DRC8: variants seen among roughly 807,000 people sequenced by gnomAD.
DRC8 encodes dynein regulatory complex protein 8.
chr1:245,064,315 G>T, the DRC8 span, among the ~76,000 whole-genome samples: 1 of 152,188 alleles, frequency 6.6e-6, no homozygotes, highest in Non-Finnish European at 1.5e-5. Flanking sequence ...GTAAAGATAG[G>T]TCAGTGATAA....
the DRC8 span, among the ~76,000 whole-genome samples, chr1:245,001,409 C>T: frequency 6.6e-6 from 1 of 152,142 alleles, no homozygotes; most frequent in Non-Finnish European, 1.5e-5. Context: ...CCCTGAGGAC[C>T]TTTGTAAAAA....
the DRC8 span, among the ~76,000 whole-genome samples, chr1:245,005,968 C>T: frequency 1.3e-5 from 2 of 152,068 alleles, no homozygotes; most frequent in Non-Finnish European, 2.9e-5. Context: ...CACAAAGGCA[C>T]TGGGAAAAAG....
chr1:245,093,697 CA>C, the DRC8 span, among the ~76,000 whole-genome samples: 3,204 of 68,364 alleles, frequency 0.047, 75 homozygotes, highest in African/African-American at 0.12. Context: ...CTCCATCTCA[CA>C]AAAAAAAAAA....
the DRC8 span, among the ~76,000 whole-genome samples, chr1:245,071,080 G>A: frequency 6.6e-6 from 1 of 152,186 alleles, no homozygotes; most frequent in African/African-American, 2.4e-5. Context: ...AAGCTGTTAG[G>A]TATGCTGTTT....
At chr1:245,089,505 C>G in the DRC8 span, among the ~76,000 whole-genome samples, 2 of 151,752 alleles carry the variant, frequency 1.3e-5, no homozygotes, top group African/African-American at 4.8e-5. This position sits in a 1 kb window ranked among gnomAD's most constrained non-coding sequence, Gnocchi z 4.8. Flanking sequence ...ATGCCAAGAT[C>G]GGAGAGAATT....
chr1:245,042,924 T>C, the DRC8 span, among the ~76,000 whole-genome samples: 37 of 152,242 alleles, frequency 2.4e-4, no homozygotes, highest in South Asian at 1.9e-3. Context: ...GGGTCAAACA[T>C]TTTAAGTGGT....
chr1:245,017,569 G>A, the DRC8 span, among the ~76,000 whole-genome samples: 7 of 150,964 alleles, frequency 4.6e-5, no homozygotes, highest in Admixed American at 4.0e-4. Flanking sequence ...ACCTATAATT[G>A]TAAACTCTGT....
At chr1:245,024,946 C>T in the DRC8 span, among the ~76,000 whole-genome samples, 1 of 152,104 alleles carries the variant, frequency 6.6e-6, no homozygotes, top group East Asian at 1.9e-4. Flanking sequence ...CATTTCTTCC[C>T]ACTGAATTAT....
chr1:245,003,998 G>A, the DRC8 span, among the ~76,000 whole-genome samples: 1 of 47,810 alleles, frequency 2.1e-5, no homozygotes, highest in Middle Eastern at 7.2e-3. Flanking sequence ...GGGACAATAG[G>A]CATGTGCCAC....
chr1:245,073,836 G>A, the DRC8 span, among the ~76,000 whole-genome samples: 18 of 152,150 alleles, frequency 1.2e-4, no homozygotes, highest in South Asian at 6.2e-4. Flanking sequence ...GAATCCCTGC[G>A]TGATTTGTAT....
chr1:245,066,971 T>C, the DRC8 span, among the ~76,000 whole-genome samples: 2 of 152,096 alleles, frequency 1.3e-5, no homozygotes, highest in African/African-American at 4.8e-5. Context: ...GAAATTGAAA[T>C]TGGACTTCTG....
the DRC8 span, among the ~76,000 whole-genome samples, chr1:245,038,563 A>G: frequency 6.6e-6 from 1 of 152,234 alleles, no homozygotes; most frequent in African/African-American, 2.4e-5. Flanking sequence ...TAATGGATCA[A>G]TGAAATAGAA....
the DRC8 span, among the ~76,000 whole-genome samples, chr1:244,997,745 A>G: frequency 6.6e-6 from 1 of 151,876 alleles, no homozygotes; most frequent in Non-Finnish European, 1.5e-5. Context: ...AGGTTTCACC[A>G]TGTTGGCCAG....
At chr1:245,035,730 G>A in the DRC8 span, among the ~76,000 whole-genome samples, 2 of 152,094 alleles carry the variant, frequency 1.3e-5, no homozygotes, top group East Asian at 1.9e-4. Context: ...AGCTGGGCAC[G>A]GTGGTACACA....
At chr1:245,078,878 C>A in the DRC8 span, among the ~76,000 whole-genome samples, 66 of 152,266 alleles carry the variant, frequency 4.3e-4, no homozygotes, top group African/African-American at 1.4e-3. Flanking sequence ...GTGTGGTAAT[C>A]ATTCCACAAG....
the DRC8 span, among the ~76,000 whole-genome samples, chr1:245,069,622 C>T: frequency 2.6e-5 from 4 of 152,086 alleles, no homozygotes; most frequent in African/African-American, 4.8e-5. Context: ...CGGGGAATGG[C>T]GGAGGGGAAA....
the DRC8 span, among the ~76,000 whole-genome samples, chr1:245,039,050 A>G: frequency 1.4e-5 from 2 of 143,970 alleles, no homozygotes; most frequent in East Asian, 4.0e-4. Context: ...AAAGGAATCT[A>G]GTATGCCATT....
At chr1:245,057,617 CA>C in the DRC8 span, among the ~76,000 whole-genome samples, 1 of 150,418 alleles carries the variant, frequency 6.6e-6, no homozygotes, top group Non-Finnish European at 1.5e-5. Flanking sequence ...TGTCTTTTCC[CA>C]ATCTTGTCTC....
At chr1:244,984,625 AG>A in the DRC8 span, among the ~76,000 whole-genome samples, 2 of 152,220 alleles carry the variant, frequency 1.3e-5, no homozygotes, top group South Asian at 4.1e-4. Flanking sequence ...ACCTGAGGTC[AG>A]GAGTTCGAGA....
Sources: allele counts gnomAD v4.1 joint callset (sites outside exome capture counted in the v4.1 genomes callset), GRCh38; gene constraint gnomAD v4.1.1; non-coding constraint Gnocchi (gnomAD v3.1); transcripts MANE v1.5; gene names NCBI Gene and HGNC (gene_info 2026-07-23, HGNC 2026-07-21).